The following TNKS variants were observed in gnomAD, a reference collection of about 807,000 sequenced individuals.
The protein encoded by TNKS is tankyrase.
TNKS carries 72 observed loss-of-function variants against 135.8 expected under a neutral mutation model. The observed-to-expected ratio is 0.53, with a 90% CI of 0.44 to 0.64. TNKS has a LOEUF of 0.64. Ranked by LOEUF, TNKS falls within the 30% of genes least tolerant of loss-of-function variation. The pLI is 0.00. For missense variants in TNKS, 1,769 were observed against 1,674.0 expected (o/e 1.06, Z -0.99); for synonymous variants, 849 against 649.3 (o/e 1.31, Z -4.68).
At chr8:9,760,408 T>G (rs1441464151) in intron 20 of TNKS, among the ~76,000 whole-genome samples, 1 of 152,234 alleles carries the variant, frequency 6.6e-6, no homozygotes, top group Non-Finnish European at 1.5e-5. Context: ...CAAACTCATA[T>G]TTTATTCTGA....
chr8:9,669,386 CCGCAG>C (rs1802162843), intron 3 of TNKS, among the ~76,000 whole-genome samples: 1 of 145,854 alleles, frequency 6.9e-6, no homozygotes, highest in Admixed American at 7.0e-5. Flanking sequence ...CCACTGCAGT[CCGCAG>C]TCCGGCCTGC....
intron 11 of TNKS, among the ~76,000 whole-genome samples, chr8:9,716,256 T>A (rs769975469): frequency 1.3e-5 from 2 of 152,140 alleles, no homozygotes; most frequent in Non-Finnish European, 2.9e-5. Flanking sequence ...CAGCCCATTA[T>A]AAGAGTTTTA....
intron 3 of TNKS, among the ~76,000 whole-genome samples, chr8:9,621,588 A>T (rs1377101827): frequency 6.6e-6 from 1 of 151,790 alleles, no homozygotes; most frequent in Non-Finnish European, 1.5e-5. Context: ...TTACAGGCTT[A>T]TTTTTGTTTT....
In TNKS at chr8:9,716,951, G is replaced by A. The variant is rs1399489444; in HGVS notation, c.1750-3423G>A. On this transcript the variant is annotated intron_variant, in intron 11 of 26. Coordinates refer to ENST00000310430, the MANE Select transcript of TNKS (RefSeq NM_003747.3). ...TAAATAAGAGTCGCTTGTTGAGTACGAGCATTCATTGGATTGGCACCCTCT... is the reference window on the plus strand; with the variant it reads ...TAAATAAGAGTCGCTTGTTGAGTACAAGCATTCATTGGATTGGCACCCTCT... Among the ~76,000 whole-genome samples, 5 of 150,842 alleles carry A rather than the reference G, an allele frequency of 3.3e-5. No individual in the cohort carries two copies. The South Asian group carries it at 1.1e-3, about 32-fold the overall frequency.
intron 26 of TNKS, 138 bp from the exon 27 acceptor site, chr8:9,776,512 G>A: frequency 1.5e-6 from 1 of 682,002 alleles, no homozygotes; most frequent in Non-Finnish European, 2.5e-6. Flanking sequence ...ACCTCAAATT[G>A]TTCAGGCACC....
At chr8:9,587,663 A>G (rs373133985) in intron 2 of TNKS, among the ~76,000 whole-genome samples, 2 of 152,098 alleles carry the variant, frequency 1.3e-5, no homozygotes, top group South Asian at 2.1e-4. Flanking sequence ...CGGCCTCCCA[A>G]AGTGCTGGGA....
At chr8:9,630,628 A>C (rs374019408) in intron 3 of TNKS, among the ~76,000 whole-genome samples, 2 of 152,340 alleles carry the variant, frequency 1.3e-5, no homozygotes, top group South Asian at 2.1e-4. Flanking sequence ...ATGCTATATA[A>C]AATTTCCTAT....
At chr8:9,600,214 C>G (rs949529089) in intron 2 of TNKS, among the ~76,000 whole-genome samples, 1 of 152,158 alleles carries the variant, frequency 6.6e-6, no homozygotes, top group Non-Finnish European at 1.5e-5. Flanking sequence ...AGAAGCCAGC[C>G]TCTGAAGTAC....
chr8:9,568,884 A>G (rs1797652244), intron 1 of TNKS, among the ~76,000 whole-genome samples: 1 of 152,308 alleles, frequency 6.6e-6, no homozygotes, highest in East Asian at 1.9e-4. Context: ...CAAATCAGTG[A>G]ATTTTTTTAT....
intron 2 of TNKS, among the ~76,000 whole-genome samples, chr8:9,592,681 A>G (rs934394333): frequency 1.1e-4 from 16 of 152,178 alleles, no homozygotes; most frequent in African/African-American, 3.6e-4. Context: ...CTGATGTCTA[A>G]TTATATTCAA....
intron 26 of TNKS, among the ~76,000 whole-genome samples, chr8:9,771,182 A>G (rs1194973569): frequency 7.0e-6 from 1 of 141,970 alleles, no homozygotes; most frequent in African/African-American, 2.6e-5. Flanking sequence ...GGGAGAGAAG[A>G]GAGGAAGGAA....
chr8:9,661,608 T>C (rs993217713), intron 3 of TNKS, among the ~76,000 whole-genome samples: 10 of 152,292 alleles, frequency 6.6e-5, no homozygotes, highest in African/African-American at 2.4e-4. Flanking sequence ...GACTTAAATG[T>C]TAGACCTAAA....
intron 2 of TNKS, among the ~76,000 whole-genome samples, chr8:9,583,748 A>C (rs1798259505): frequency 6.6e-6 from 1 of 151,856 alleles, no homozygotes; most frequent in Non-Finnish European, 1.5e-5. Flanking sequence ...CAGCCTCCCA[A>C]AGTCCTGGGA....
At chr8:9,577,285 C>A (rs996467946) in intron 1 of TNKS, among the ~76,000 whole-genome samples, 6 of 151,266 alleles carry the variant, frequency 4.0e-5, no homozygotes, top group African/African-American at 1.5e-4. Context: ...ATGAATAGGA[C>A]AAATGTACAA....
At chr8:9,731,136 T>TC (rs1443470075) in intron 14 of TNKS, 101 bp downstream of exon 14, 4 of 1,310,186 alleles carry the variant, frequency 3.1e-6, no homozygotes, top group Non-Finnish European at 4.0e-6. Context: ...AAAAAAGTAA[T>TC]CGTTATTTTT....
At position 9,672,697 on chromosome 8, in the gene TNKS, CACACACACACACACAAAAA is replaced by C. The variant is rs1802344037; in HGVS notation, c.995-7252_995-7234del. ...AAAAACACATACACACACACACACA[CACACACACACACACAAAAA>C]AAAAAAAACAAACTAATATCCCACT... On this transcript the variant is annotated intron_variant, in intron 3 of 26. Transcript: ENST00000310430. 2.6e-5 allele frequency among the ~76,000 whole-genome samples: 3 copies of C among 116,996 alleles called. No homozygotes were observed. The Admixed American group carries it at 2.7e-4, about 11-fold the overall frequency. The allele number at this position is 116,996 out of a possible 152,430, so 76.8% of individuals were successfully genotyped here.
intron 11 of TNKS, among the ~76,000 whole-genome samples, chr8:9,711,602 A>T: frequency 6.6e-6 from 1 of 152,168 alleles, no homozygotes; most frequent in Non-Finnish European, 1.5e-5. Context: ...TGTTCTTTTT[A>T]ATGAAAATAA....
rs147093707 is a variant in TNKS, at chr8:9,758,519, C to G, written c.3154-2997C>G. Among the ~76,000 whole-genome samples the G allele has an allele frequency of 1.0e-3, 159 of 152,232 alleles. 1 individual carries two copies. The highest frequency in any genetic ancestry group is 3.4e-3 in the African/African-American group (140 of 41,548). On this transcript the variant is annotated intron_variant, in intron 20 of 26. Coordinates refer to ENST00000310430, the MANE Select transcript of TNKS (RefSeq NM_003747.3). The stretch of plus-strand genomic sequence containing the variant: ...ATCTACTGCTGTGTAACAAATTACC[C>G]AAAACTTAATGGCTTAAAATAACAA...
intron 2 of TNKS, among the ~76,000 whole-genome samples, chr8:9,596,716 C>G (rs1798801597): frequency 6.6e-6 from 1 of 152,186 alleles, no homozygotes; most frequent in South Asian, 2.1e-4. Context: ...TGTGTCAAGC[C>G]TGAAAATTTC....
Sources: gnomAD v4.1 joint callset for allele counts (sites outside exome capture counted in the v4.1 genomes callset) on GRCh38, gnomAD v4.1.1 for gene constraint, MANE v1.5 for transcripts, NCBI Gene and HGNC (gene_info 2026-07-23, HGNC 2026-07-21) for gene names.